The following SNTG2 variants were observed in gnomAD, a reference collection of about 807,000 sequenced individuals.
The protein encoded by SNTG2 is gamma-2-syntrophin.
A neutral mutation model predicts 70.9 loss-of-function variants in SNTG2; 74 were observed. The ratio of observed to expected loss-of-function variants is 1.04; its 90% CI spans 0.86 to 1.27. The LOEUF is 1.27. Among genes scored for constraint, SNTG2 ranks in the 50% most tolerant of loss-of-function variants. SNTG2 has a pLI of 0.00. For synonymous variants in SNTG2, 278 were observed against 273.8 expected, an observed-to-expected ratio of 1.02 and a Z score of -0.15; for missense variants, 717 against 690.7, an observed-to-expected ratio of 1.04 and a Z score of -0.43.
rs78203902 is a variant in SNTG2 at position 1,239,258 on chromosome 2, G to A, written c.850-480G>A. ...AAATGTGGACTCTGAGCTGCCTCCC[G>A]GCTGTGTGGCTGTGGGCTGTGGGAA... On this transcript the variant is annotated intron_variant, in intron 10 of 16. Transcript: ENST00000308624. 6.7e-4 allele frequency among the ~76,000 whole-genome samples: 102 copies of A among 152,276 alleles called. No homozygotes were observed. The East Asian group carries it at 0.014, about 20-fold the overall frequency.
chr2:952,223 G>C (rs751249662), intron 1 of SNTG2, among the ~76,000 whole-genome samples: 1 of 152,136 alleles, frequency 6.6e-6, no homozygotes, highest in Non-Finnish European at 1.5e-5. Context: ...GAAAATATGC[G>C]GGGATTACCT....
chr2:1,169,138 C>T (rs1052180702), intron 7 of SNTG2, among the ~76,000 whole-genome samples: 3 of 152,092 alleles, frequency 2.0e-5, no homozygotes, highest in Non-Finnish European at 4.4e-5. Flanking sequence ...GATTCTGCAG[C>T]AGCTGTGACC....
At chr2:1,058,260 T>G (rs745520259) in intron 1 of SNTG2, among the ~76,000 whole-genome samples, 3 of 152,084 alleles carry the variant, frequency 2.0e-5, no homozygotes, top group Non-Finnish European at 4.4e-5. Flanking sequence ...TCAATGAGGG[T>G]AGTGTCTCTG....
intron 1 of SNTG2, among the ~76,000 whole-genome samples, chr2:1,078,789 G>T (rs1367142792): frequency 1.3e-5 from 2 of 151,776 alleles, no homozygotes; most frequent in Admixed American, 6.6e-5. Flanking sequence ...ACTGAACCCC[G>T]TGACCCCAGG....
chr2:1,209,979 C>T (rs1410600739), intron 9 of SNTG2, among the ~76,000 whole-genome samples: 1 of 151,550 alleles, frequency 6.6e-6, no homozygotes, highest in African/African-American at 2.4e-5. Context: ...TGTGTGTGGC[C>T]GTGGTGTGTG....
In SNTG2 at chr2:1,117,455, G is replaced by A. The variant is rs748323616; in HGVS notation, c.325+19045G>A. On this transcript the variant is annotated intron_variant, in intron 4 of 16. Transcript: ENST00000308624. ...AAATGAAGACTTAACATCAAATTCAGCAAAACAGATGAAATCAATTAAAAT... is the reference window on the plus strand; with the variant it reads ...AAATGAAGACTTAACATCAAATTCAACAAAACAGATGAAATCAATTAAAAT... Among the ~76,000 whole-genome samples the A allele has an allele frequency of 9.7e-4, 147 of 151,974 alleles. 3 individuals are homozygous for A. Among genetic ancestry groups the A allele is most frequent in the Admixed American group, 3.3e-4 (5 of 15,256 alleles).
chr2:1,106,134 G>A (rs562623523), intron 4 of SNTG2, among the ~76,000 whole-genome samples: 2 of 127,672 alleles, frequency 1.6e-5, no homozygotes, highest in African/African-American at 6.3e-5. Context: ...GACACCTGCT[G>A]TCACTCGGGT....
chr2:995,683 T>A (rs998170960), intron 1 of SNTG2, among the ~76,000 whole-genome samples: 5 of 152,026 alleles, frequency 3.3e-5, no homozygotes, highest in Admixed American at 2.6e-4. Flanking sequence ...TTCATTTCTG[T>A]GTTTGCTGGA....
chr2:1,293,883 T>A (rs1295107032), intron 14 of SNTG2, among the ~76,000 whole-genome samples: 1 of 152,176 alleles, frequency 6.6e-6, no homozygotes, highest in East Asian at 1.9e-4. Flanking sequence ...ACTGCTTTGA[T>A]GCTGTAATAG....
At position 1,178,832 on chromosome 2, in the gene SNTG2, A is replaced by G. The variant is rs1671659722; in HGVS notation, c.591+5649A>G. Among the ~76,000 whole-genome samples, 4 of 152,156 alleles carry G rather than the reference A, an allele frequency of 2.6e-5. No homozygotes were observed. In the South Asian group the frequency reaches 8.3e-4, roughly 32 times the overall value. On this transcript the variant is annotated intron_variant, in intron 8 of 16. Coordinates refer to ENST00000308624, the MANE Select transcript of SNTG2 (RefSeq NM_018968.4). The stretch of plus-strand genomic sequence containing the variant: ...GCTGGCCTCATAAAATGAGTTAGGG[A>G]GGATTCCCTCTTTTTGTATTGACTG...
At position 1,132,281 on chromosome 2, in the gene SNTG2, G is replaced by A. The variant is rs533341272; in HGVS notation, c.326-5341G>A. On this transcript the variant is annotated intron_variant, in intron 4 of 16. Coordinates refer to ENST00000308624, the MANE Select transcript of SNTG2 (RefSeq NM_018968.4). ...CACACACATACATACACACATACAT[G>A]CACAGGTTGATAGGTTTGACAGCAT... is the stretch of plus-strand genomic sequence containing the variant. Among the ~76,000 whole-genome samples the A allele has an allele frequency of 5.3e-5, 8 of 151,330 alleles. No individual in the cohort carries two copies. In the East Asian group the frequency reaches 1.6e-3, roughly 30 times the overall value.
At chr2:1,202,003 A>G (rs1162757821) in intron 8 of SNTG2, among the ~76,000 whole-genome samples, 1 of 152,080 alleles carries the variant, frequency 6.6e-6, no homozygotes, top group African/African-American at 2.4e-5. Flanking sequence ...TTATTTTTAA[A>G]AATAAATTCA....
chr2:1,272,718 CCCAGGGAGCGGG>C (rs1679098940), intron 14 of SNTG2, among the ~76,000 whole-genome samples: 1 of 120,292 alleles, frequency 8.3e-6, no homozygotes, highest in Non-Finnish European at 1.7e-5. Flanking sequence ...GAAAGGACAC[CCCAGGGAGCGGG>C]TGCAGAAAGG....
intron 1 of SNTG2, among the ~76,000 whole-genome samples, chr2:1,026,851 T>C (rs965364902): frequency 6.6e-6 from 1 of 152,148 alleles, no homozygotes; most frequent in African/African-American, 2.4e-5. Context: ...CTCCTCCTTT[T>C]GCCTGTGGCC....
chr2:1,318,866 A>G (rs1681404828), intron 16 of SNTG2, among the ~76,000 whole-genome samples: 1 of 152,172 alleles, frequency 6.6e-6, no homozygotes, highest in Non-Finnish European at 1.5e-5. Flanking sequence ...TACGGTGGCC[A>G]TGAGGGTTTC....
chr2:1,357,102 T>G (rs1439298353), intron 16 of SNTG2, among the ~76,000 whole-genome samples: 2 of 152,178 alleles, frequency 1.3e-5, no homozygotes, highest in Non-Finnish European at 2.9e-5. Flanking sequence ...AAGATTATGT[T>G]TCTACAGAGA....
At chr2:1,190,495 C>CTATG (rs1672517211) in intron 8 of SNTG2, among the ~76,000 whole-genome samples, 1 of 90,802 alleles carries the variant, frequency 1.1e-5, no homozygotes, top group Non-Finnish European at 2.2e-5. Context: ...GGAGGGCTGA[C>CTATG]TATATATATA....
chr2:1,314,164 C>T (rs1681156297), intron 15 of SNTG2, among the ~76,000 whole-genome samples: 1 of 152,212 alleles, frequency 6.6e-6, no homozygotes, highest in South Asian at 2.1e-4. Flanking sequence ...CACTACTGCG[C>T]TCTTTCTTCA....
At chr2:1,346,432 T>C (rs12621300) in intron 16 of SNTG2, 45,847 of 152,136 alleles carry the variant, frequency 0.3, 7,164 homozygotes, top group East Asian at 0.54. Flanking sequence ...AGCTCTGATG[T>C]CCGGACTTGC....
Sources: gnomAD v4.1 joint callset for allele counts (sites outside exome capture counted in the v4.1 genomes callset) on GRCh38, gnomAD v4.1.1 for gene constraint, MANE v1.5 for transcripts, NCBI Gene and HGNC (gene_info 2026-07-23, HGNC 2026-07-21) for gene names.